CD33: variants seen among roughly 807,000 people sequenced by gnomAD.
CD33 encodes CD33 molecule.
In CD33, 25 loss-of-function variants were observed where a neutral mutation model predicts 31.4. The observed-to-expected ratio is 0.80, with a 90% confidence interval of 0.58 to 1.11. The LOEUF (loss-of-function observed/expected upper bound fraction) is 1.11, where lower values mean the gene tolerates loss of function less well. CD33 is among the 50% of genes most tolerant of loss of function. The pLI is 0.00. For synonymous variants in CD33, 176 were observed against 180.6 expected (o/e 0.97, Z 0.20); for missense variants, 407 against 448.1 (o/e 0.91, Z 0.83).
At chr19:51,227,288 C>T (rs1189721967) in intron 4 of CD33, among the ~76,000 whole-genome samples, 1 of 152,044 alleles carries the variant, frequency 6.6e-6, no homozygotes, top group Non-Finnish European at 1.5e-5. Flanking sequence ...TTTTGAGAAA[C>T]TTCCATACTC....
chr19:51,220,041 G>A, the CD33 span, among the ~76,000 whole-genome samples: 1 of 152,158 alleles, frequency 6.6e-6, no homozygotes, highest in African/African-American at 2.4e-5. Flanking sequence ...TGGCTTCATA[G>A]AATGAGTCAG....
At chr19:51,214,229 C>T in the CD33 span, among the ~76,000 whole-genome samples, 1 of 130,108 alleles carries the variant, frequency 7.7e-6, no homozygotes, top group Non-Finnish European at 1.6e-5. Context: ...GATGGAGTCT[C>T]ACTCTGTCAC....
chr19:51,222,511 C>A (rs1271371454), upstream of CD33, among the ~76,000 whole-genome samples: 2 of 152,162 alleles, frequency 1.3e-5, no homozygotes, highest in Non-Finnish European at 2.9e-5. Context: ...TTATAGTATA[C>A]ACATAAATGG....
At chr19:51,213,850 C>CTTTTTTTTTTTTTTCT in the CD33 span, among the ~76,000 whole-genome samples, 2 of 125,990 alleles carry the variant, frequency 1.6e-5, no homozygotes, top group African/African-American at 5.9e-5. Context: ...TTTTCTTTTT[C>CTTTTTTTTTTTTTTCT]TTTTTTTTTT....
At chr19:51,222,980 G>A (rs1032069962), upstream of CD33, among the ~76,000 whole-genome samples, 29 of 152,124 alleles carry the variant, frequency 1.9e-4, no homozygotes, top group Middle Eastern at 3.2e-3. Context: ...TTTGGAGGTC[G>A]AGGTGGGAGG....
At chr19:51,216,223 AGTGTGTGT>A in the CD33 span, among the ~76,000 whole-genome samples, 62 of 128,484 alleles carry the variant, frequency 4.8e-4, no homozygotes, top group South Asian at 4.2e-3. Flanking sequence ...ATGTCACCCG[AGTGTGTGT>A]GTGTGTGTGT....
chr19:51,219,502 C>T, the CD33 span, among the ~76,000 whole-genome samples: 4 of 152,010 alleles, frequency 2.6e-5, no homozygotes, highest in Admixed American at 6.6e-5. Flanking sequence ...CCAATGTGGG[C>T]GCCTTTTGTT....
chr19:51,226,767 A>C (rs1981067623), intron 4 of CD33, among the ~76,000 whole-genome samples: 1 of 151,896 alleles, frequency 6.6e-6, no homozygotes, highest in African/African-American at 2.4e-5. Flanking sequence ...GCTATCTATT[A>C]TTGTTAAGCA....
the CD33 span, among the ~76,000 whole-genome samples, chr19:51,216,579 G>A: frequency 2.6e-5 from 4 of 151,776 alleles, no homozygotes; most frequent in Admixed American, 6.6e-5. Context: ...ATGGTGGCAT[G>A]TGCCTGTAGT....
intron 4 of CD33, among the ~76,000 whole-genome samples, chr19:51,229,186 T>C (rs550209715): frequency 3.9e-4 from 59 of 152,380 alleles, no homozygotes; most frequent in African/African-American, 1.3e-3. Context: ...TTGACATATG[T>C]ATAACATTTA....
At chr19:51,215,633 T>G in the CD33 span, among the ~76,000 whole-genome samples, 8 of 152,246 alleles carry the variant, frequency 5.3e-5, no homozygotes, top group East Asian at 1.5e-3. Flanking sequence ...ATAGCTGCAC[T>G]CAGCATGGCC....
rs1982030861 is a variant in CD33, at chr19:51,239,582, C to T, written c.989C>T (p.Pro330Leu). The change falls in exon 7 of 7, where the codon CCT becomes CTT. Residue 330 changes from proline (P) to leucine (L), a missense_variant. Transcript: ENST00000262262. ...TETSSCSGAA[P>L]TVEMDEELHY... is the part of the protein sequence containing the mutation. ...ACCTCAAGCTGTTCAGGTGCCGCCC[C>T]TACTGTGGAGATGGATGAGGAGCTG... 6.2e-7 allele frequency: 1 copy of T among 1,613,728 alleles called. No individual in the cohort carries two copies. The highest frequency in any genetic ancestry group is 1.7e-5 in the Admixed American group (1 of 59,960).
intron 6 of CD33, chr19:51,238,474 G>T (rs1019118283): frequency 6.6e-6 from 1 of 152,336 alleles, no homozygotes; most frequent in Non-Finnish European, 1.5e-5. Context: ...GGGAGATGAG[G>T]TGTAAATGGT....
chr19:51,214,151 TGCC>T, the CD33 span, among the ~76,000 whole-genome samples: 1 of 150,420 alleles, frequency 6.6e-6, no homozygotes, highest in African/African-American at 2.4e-5. Flanking sequence ...TGAGCCACCA[TGCC>T]TGGCCTCATT....
At chr19:51,227,741 C>T (rs905187004) in intron 4 of CD33, among the ~76,000 whole-genome samples, 1 of 152,070 alleles carries the variant, frequency 6.6e-6, no homozygotes. Flanking sequence ...CATTTATTTA[C>T]TTTTGCTTTT....
the CD33 span, among the ~76,000 whole-genome samples, chr19:51,217,414 G>T: frequency 8.2e-4 from 119 of 144,944 alleles, no homozygotes; most frequent in African/African-American, 2.5e-3. Flanking sequence ...TTGTTGTTTT[G>T]TTTTTTTTTT....
chr19:51,235,024 A>G (rs545238169), intron 4 of CD33, 133 bp from the exon 5 acceptor site: 46 of 668,926 alleles, frequency 6.9e-5, no homozygotes, highest in Middle Eastern at 3.0e-4. Flanking sequence ...ATTGATGTCT[A>G]TGATGGGTGG....
upstream of CD33, among the ~76,000 whole-genome samples, chr19:51,221,923 A>G (rs956684254): frequency 1.3e-5 from 2 of 152,218 alleles, no homozygotes; most frequent in African/African-American, 4.8e-5. Context: ...AACATTTTGT[A>G]TGATTCCATT....
At chr19:51,220,382 G>T (rs756880063), upstream of CD33, among the ~76,000 whole-genome samples, 3 of 152,160 alleles carry the variant, frequency 2.0e-5, no homozygotes, top group Non-Finnish European at 4.4e-5. Flanking sequence ...GGTGTTGGTT[G>T]GACTACAACA....
Sources: gnomAD v4.1 joint callset for allele counts (sites outside exome capture counted in the v4.1 genomes callset) on GRCh38, gnomAD v4.1.1 for gene constraint, MANE v1.5 for transcripts, NCBI Gene and HGNC (gene_info 2026-07-23, HGNC 2026-07-21) for gene names.